The following AFAP1 variants were observed in gnomAD, a reference collection of about 807,000 sequenced individuals.
AFAP1 encodes the protein actin filament associated protein 1.
A neutral mutation model predicts 93.9 loss-of-function variants in AFAP1; 75 were observed. That is an observed-to-expected ratio of 0.80 (90% CI 0.66 to 0.97). AFAP1 has a LOEUF of 0.97. Ranked by LOEUF, AFAP1 falls within the 50% of genes least tolerant of loss-of-function variation. The pLI is 0.00. For missense variants in AFAP1, 1,201 were observed against 1,050.8 expected (o/e 1.14, Z -1.98); for synonymous variants, 517 against 430.7 (o/e 1.20, Z -2.48).
chr4:7,883,185 C>CAAAAAAAA, intron 1 of AFAP1, among the ~76,000 whole-genome samples: 1 of 49,978 alleles, frequency 2.0e-5, no homozygotes, highest in South Asian at 8.1e-4. Flanking sequence ...AACCCTATCT[C>CAAAAAAAA]AAAAAAAAAA....
intron 16 of AFAP1, among the ~76,000 whole-genome samples, chr4:7,770,365 A>G (rs1481156950): frequency 6.6e-6 from 1 of 152,166 alleles, no homozygotes; most frequent in East Asian, 1.9e-4. Context: ...GGGAGTGAGG[A>G]CTAACATGTC....
intron 6 of AFAP1, among the ~76,000 whole-genome samples, chr4:7,820,492 G>A (rs1720874714): frequency 6.6e-6 from 1 of 152,152 alleles, no homozygotes; most frequent in Non-Finnish European, 1.5e-5. Context: ...TAGAGTTAAA[G>A]GAGAGAAGCT....
intron 12 of AFAP1, among the ~76,000 whole-genome samples, chr4:7,782,798 T>C (rs1716902253): frequency 1.3e-5 from 2 of 152,158 alleles, no homozygotes; most frequent in Admixed American, 1.3e-4. Context: ...GCAGTAGGAG[T>C]GTCTGTATTC....
Position 7,785,647 on chromosome 4 carries a change from C to T in AFAP1, c.1530+547G>A, listed in dbSNP as rs117634673. 6.6e-5 allele frequency among the ~76,000 whole-genome samples: 10 copies of T among 152,292 alleles called. No individual in the cohort carries two copies. In the East Asian group the frequency reaches 1.4e-3, roughly 21 times the overall value. On this transcript the variant is annotated intron_variant, in intron 12 of 17. Coordinates refer to ENST00000420658, the MANE Select transcript of AFAP1 (RefSeq NM_001134647.2). The stretch of plus-strand genomic sequence containing the variant: ...GGCTGACACATTTAATTAGTGACAG[C>T]GACATTAGGCCAGGCACAGTGGCTC...
rs891467828 is a variant in AFAP1, at chr4:7,785,154, G to A, written c.1530+1040C>T. On this transcript the variant is annotated intron_variant, in intron 12 of 17. Transcript: ENST00000420658. ...CTCTGAACGCCCAGGGCCGGGCACC[G>A]TGCCTGGATCAGGCAGGATGCTCAA... is the stretch of plus-strand genomic sequence containing the variant. Among the ~76,000 whole-genome samples, 9 of 152,140 alleles carry A rather than the reference G, an allele frequency of 5.9e-5. No homozygotes were observed. The South Asian group carries it at 1.0e-3, about 18-fold the overall frequency.
In AFAP1 at chr4:7,763,640, C is replaced by CAGTCGTGGAGCCTCTGG. The variant is rs1356283290; in HGVS notation, c.*108_*124dup. 4 of 1,142,168 alleles carry CAGTCGTGGAGCCTCTGG rather than the reference C, an allele frequency of 3.5e-6. No individual in the cohort carries two copies. The highest frequency in any genetic ancestry group is 3.8e-6 in the Non-Finnish European group (3 of 791,398). 70.8% of individuals were successfully genotyped at this position (1,142,168 alleles called of 1,614,324 possible). A position where few individuals can be genotyped will look rare whatever the true frequency, so the allele number is the denominator to read the frequency against. On this transcript the variant is annotated 3_prime_UTR_variant, in exon 18 of 18. Coordinates refer to ENST00000420658, the MANE Select transcript of AFAP1 (RefSeq NM_001134647.2). ...GGGGACAGGCACTGGCCTCAGAGCT[C>CAGTCGTGGAGCCTCTGG]AGTCGTGGAGCCTCTGGAGTCGTGC...
At chr4:7,768,158 G>A (rs58957020) in intron 17 of AFAP1, among the ~76,000 whole-genome samples, 13,113 of 152,322 alleles carry the variant, frequency 0.086, 954 homozygotes, top group East Asian at 0.4. Flanking sequence ...CCCTCGGGGC[G>A]GGGCCGGCCA....
At chr4:7,813,331 G>A (rs1215050415) in intron 8 of AFAP1, among the ~76,000 whole-genome samples, 2 of 152,202 alleles carry the variant, frequency 1.3e-5, no homozygotes, top group African/African-American at 4.8e-5. Context: ...TAACTAACGA[G>A]CGTCTGCTAC....
intron 10 of AFAP1, among the ~76,000 whole-genome samples, chr4:7,798,135 CT>C (rs1718628095): frequency 1.8e-5 from 2 of 112,996 alleles, no homozygotes; most frequent in Admixed American, 9.6e-5. Context: ...AGCACTGCAA[CT>C]CTATTGGCTG....
In AFAP1 at chr4:7,860,292, AG is replaced by A. The variant is rs530011113; in HGVS notation, c.226-4719del. On this transcript the variant is annotated intron_variant, in intron 3 of 17. Coordinates refer to ENST00000420658, the MANE Select transcript of AFAP1 (RefSeq NM_001134647.2). ...GTGTGTGTGTGTGTATATGTGTGAC[AG>A]GGGGGTGGATTTGGAATATGTGCAT... Among the ~76,000 whole-genome samples the A allele has an allele frequency of 1.3e-4, 16 of 126,614 alleles. 1 individual carries two copies. The South Asian group carries it at 4.8e-3, about 38-fold the overall frequency. The allele number at this position is 126,614 out of a possible 152,430, so 83.1% of individuals were successfully genotyped here.
chr4:7,918,898 CCCAGGTCA>C lies in AFAP1; in HGVS notation c.-3+20750_-3+20757del, dbSNP rs1229399611. Among the ~76,000 whole-genome samples the C allele has an allele frequency of 4.7e-5, 7 of 149,900 alleles. No individual in the cohort carries two copies. In the East Asian group the frequency reaches 1.4e-3, roughly 30 times the overall value. ...CAGGGCTGCCGGAAGAGACACTCGGCCCAGGTCACCAGGAAACAGGGCTGCCGGATGAG... is the reference window on the plus strand; with the variant it reads ...CAGGGCTGCCGGAAGAGACACTCGGCCCAGGAAACAGGGCTGCCGGATGAG... On this transcript the variant is annotated intron_variant, in intron 1 of 17. Coordinates refer to ENST00000420658, the MANE Select transcript of AFAP1 (RefSeq NM_001134647.2).
chr4:7,836,849 A>T (rs1712364783), intron 6 of AFAP1, among the ~76,000 whole-genome samples: 1 of 152,108 alleles, frequency 6.6e-6, no homozygotes, highest in Admixed American at 6.5e-5. Context: ...AAACCACTGA[A>T]TTGGACTTGA....
chr4:7,814,063 T>C (rs974553735), intron 8 of AFAP1, among the ~76,000 whole-genome samples: 2 of 152,140 alleles, frequency 1.3e-5, no homozygotes, highest in Non-Finnish European at 2.9e-5. Context: ...TCCGTCCACA[T>C]ACTGCTAAGG....
chr4:7,850,405 C>CCTGATTGAAATTGG (rs1714300937), intron 4 of AFAP1, among the ~76,000 whole-genome samples: 1 of 152,170 alleles, frequency 6.6e-6, no homozygotes. Context: ...TCAGAAATGC[C>CCTGATTGAAATTGG]ATTTCAACCA....
At chr4:7,862,679 G>C (rs6838073) in intron 3 of AFAP1, among the ~76,000 whole-genome samples, 47,137 of 152,056 alleles carry the variant, frequency 0.31, 8,981 homozygotes, top group Non-Finnish European at 0.44. Context: ...ATAAGTTCTG[G>C]CCCTAAAATA....
chr4:7,765,879 TCTGTGA>T (rs1266393464), intron 17 of AFAP1, among the ~76,000 whole-genome samples: 1 of 152,112 alleles, frequency 6.6e-6, no homozygotes, highest in Non-Finnish European at 1.5e-5. Flanking sequence ...GGAGACAGGG[TCTGTGA>T]AAGCCCCGAC....
chr4:7,858,034 C>T (rs1039448084), intron 3 of AFAP1, among the ~76,000 whole-genome samples: 10 of 152,130 alleles, frequency 6.6e-5, no homozygotes, highest in African/African-American at 2.2e-4. Flanking sequence ...TTAGTAAAAT[C>T]TAAAAACAAT....
intron 13 of AFAP1, among the ~76,000 whole-genome samples, chr4:7,779,961 T>C (rs943185475): frequency 2.6e-5 from 4 of 152,032 alleles, no homozygotes; most frequent in African/African-American, 7.3e-5. Flanking sequence ...AAGGGGACAA[T>C]AGTAACAAAC....
rs534771472 is a variant in AFAP1, at chr4:7,938,744, T to TC, written c.-3+911dup. Reference sequence around the variant, plus strand: ...AATCTGGCTTTCCAGATTTTTTTTTTCTTCCCATTACTAACGGAAGAAATC... The same window carrying TC: ...AATCTGGCTTTCCAGATTTTTTTTTTCCTTCCCATTACTAACGGAAGAAATC... On this transcript the variant is annotated intron_variant, in intron 1 of 17. Coordinates refer to ENST00000420658, the MANE Select transcript of AFAP1 (RefSeq NM_001134647.2). 2.0e-3 allele frequency among the ~76,000 whole-genome samples: 311 copies of TC among 152,214 alleles called. 1 individual carries two copies. The highest frequency in any genetic ancestry group is 6.8e-3 in the African/African-American group (282 of 41,500).
Sources: gnomAD v4.1 joint callset for allele counts (sites outside exome capture counted in the v4.1 genomes callset) on GRCh38, gnomAD v4.1.1 for gene constraint, MANE v1.5 for transcripts, NCBI Gene and HGNC (gene_info 2026-07-23, HGNC 2026-07-21) for gene names.